NUBPL: variants seen among roughly 807,000 people sequenced by gnomAD.
NUBPL encodes iron-sulfur cluster transfer protein NUBPL.
In NUBPL, 31 loss-of-function variants were observed where a neutral mutation model predicts 45.7. That is an observed-to-expected ratio of 0.68 (90% confidence interval 0.51 to 0.92). The LOEUF (loss-of-function observed/expected upper bound fraction) is 0.92, where lower values mean the gene tolerates loss of function less well. NUBPL is among the 40% of genes least tolerant of loss of function. NUBPL has a pLI of 0.00. For synonymous variants in NUBPL, 144 were observed against 140.9 expected, an observed-to-expected ratio of 1.02 and a Z score of -0.15; for missense variants, 401 against 398.7, an observed-to-expected ratio of 1.01 and a Z score of -0.05.
chr14:31,671,174 T>C (rs2036561356), intron 4 of NUBPL, among the ~76,000 whole-genome samples: 1 of 152,146 alleles, frequency 6.6e-6, no homozygotes, highest in African/African-American at 2.4e-5. Flanking sequence ...ATTCTCATTG[T>C]AGAGATTTTT....
At chr14:31,716,590 A>G (rs1013577415) in intron 6 of NUBPL, among the ~76,000 whole-genome samples, 2 of 152,300 alleles carry the variant, frequency 1.3e-5, no homozygotes, top group Non-Finnish European at 2.9e-5. Flanking sequence ...CTCTGCACAT[A>G]ACTGTAATTA....
At chr14:31,716,318 CT>C (rs1172911846) in intron 6 of NUBPL, among the ~76,000 whole-genome samples, 1 of 152,108 alleles carries the variant, frequency 6.6e-6, no homozygotes, top group Non-Finnish European at 1.5e-5. Flanking sequence ...TGACATGGTC[CT>C]TTATTATCAT....
chr14:31,610,608 CAAAAAAAAA>C (rs775656176), intron 4 of NUBPL, among the ~76,000 whole-genome samples: 2 of 94,708 alleles, frequency 2.1e-5, no homozygotes, highest in African/African-American at 8.8e-5. Context: ...AAAGATACAT[CAAAAAAAAA>C]AAAAAAAAAA....
chr14:31,642,328 A>C (rs2035727386), intron 4 of NUBPL, among the ~76,000 whole-genome samples: 1 of 152,154 alleles, frequency 6.6e-6, no homozygotes, highest in Admixed American at 6.5e-5. Flanking sequence ...CTTGCACTTA[A>C]ATATTTAATC....
At chr14:31,767,078 A>G (rs914883533) in intron 6 of NUBPL, among the ~76,000 whole-genome samples, 1 of 152,174 alleles carries the variant, frequency 6.6e-6, no homozygotes, top group Admixed American at 6.5e-5. Context: ...TCAAAGCCCC[A>G]TATATATATC....
At chr14:31,733,913 C>T (rs1483574033) in intron 6 of NUBPL, among the ~76,000 whole-genome samples, 4 of 152,104 alleles carry the variant, frequency 2.6e-5, no homozygotes, top group East Asian at 1.9e-4. Flanking sequence ...GTTATTTCAT[C>T]GACATCATCC....
At chr14:31,751,302 C>G (rs1167701298) in intron 6 of NUBPL, among the ~76,000 whole-genome samples, 1 of 152,212 alleles carries the variant, frequency 6.6e-6, no homozygotes, top group Admixed American at 6.5e-5. Context: ...AGTCCAAAGT[C>G]TCATCTGAGA....
At chr14:31,854,464 C>T (rs1280893935) in intron 10 of NUBPL, among the ~76,000 whole-genome samples, 1 of 152,090 alleles carries the variant, frequency 6.6e-6, no homozygotes, top group African/African-American at 2.4e-5. Flanking sequence ...GAACAGTGCC[C>T]AAAGGACATG....
chr14:31,647,315 C>A (rs2035882364), intron 4 of NUBPL, among the ~76,000 whole-genome samples: 1 of 152,148 alleles, frequency 6.6e-6, no homozygotes, highest in Non-Finnish European at 1.5e-5. Flanking sequence ...TTCCAGTCTT[C>A]CGTCTCTGGC....
At chr14:31,837,306 G>A (rs567020415) in intron 8 of NUBPL, among the ~76,000 whole-genome samples, 1 of 152,254 alleles carries the variant, frequency 6.6e-6, no homozygotes, top group East Asian at 1.9e-4. Flanking sequence ...ATTCCAGCCT[G>A]AGCAGCAGAG....
chr14:31,656,433 C>T (rs1485036391), intron 4 of NUBPL, among the ~76,000 whole-genome samples: 2 of 152,182 alleles, frequency 1.3e-5, no homozygotes, highest in African/African-American at 4.8e-5. Flanking sequence ...ACACAATTTC[C>T]TTACCAAGCA....
intron 6 of NUBPL, among the ~76,000 whole-genome samples, chr14:31,750,324 C>T (rs1259541852): frequency 1.9e-4 from 28 of 149,720 alleles, no homozygotes; most frequent in Middle Eastern, 3.4e-3. Flanking sequence ...TACAGGCGCC[C>T]ACCACCACGC....
rs979259488 is a variant in NUBPL at position 31,667,241 on chromosome 14, T to G, written c.383-6114T>G. Among the ~76,000 whole-genome samples, 9 of 152,198 alleles carry G rather than the reference T, an allele frequency of 5.9e-5. No individual in the cohort carries two copies. The East Asian group carries it at 1.7e-3, about 30-fold the overall frequency. On this transcript the variant is annotated intron_variant, in intron 4 of 10. Coordinates refer to ENST00000281081, the MANE Select transcript of NUBPL (RefSeq NM_025152.3). ...AGTCCCATATTTCTTGGAGGCTTTG[T>G]CCTTTCCTTATCATTCTTTTTTCTG...
intron 6 of NUBPL, among the ~76,000 whole-genome samples, chr14:31,681,561 T>G (rs1171704547): frequency 6.6e-6 from 1 of 151,958 alleles, no homozygotes; most frequent in African/African-American, 2.4e-5. Flanking sequence ...TCTGCTTTTA[T>G]CATTATTATT....
At chr14:31,729,283 C>T (rs974231739) in intron 6 of NUBPL, among the ~76,000 whole-genome samples, 4 of 144,554 alleles carry the variant, frequency 2.8e-5, no homozygotes, top group African/African-American at 7.7e-5. Flanking sequence ...CATCCCCCCC[C>T]CCCCCAAAAA....
intron 4 of NUBPL, among the ~76,000 whole-genome samples, chr14:31,637,082 A>T (rs979899993): frequency 6.6e-6 from 1 of 151,908 alleles, no homozygotes; most frequent in Non-Finnish European, 1.5e-5. Flanking sequence ...TTGTGTCTCT[A>T]TTTCCTTCAG....
intron 4 of NUBPL, among the ~76,000 whole-genome samples, chr14:31,661,106 T>C (rs2036257797): frequency 1.3e-5 from 2 of 152,202 alleles, no homozygotes; most frequent in African/African-American, 4.8e-5. Flanking sequence ...TACAAAAGAT[T>C]AATTAAATTC....
chr14:31,644,889 A>AT (rs2035801658), intron 4 of NUBPL, among the ~76,000 whole-genome samples: 2 of 151,878 alleles, frequency 1.3e-5, no homozygotes, highest in Admixed American at 1.3e-4. Flanking sequence ...CCCCTTTATT[A>AT]TTATTGAATG....
intron 6 of NUBPL, among the ~76,000 whole-genome samples, chr14:31,682,424 C>G (rs1179577934): frequency 6.6e-6 from 1 of 151,988 alleles, no homozygotes; most frequent in African/African-American, 2.4e-5. Flanking sequence ...AAGTGAGTCT[C>G]TTGATTTCAA....
Sources: gnomAD v4.1 joint callset for allele counts (sites outside exome capture counted in the v4.1 genomes callset) on GRCh38, gnomAD v4.1.1 for gene constraint, MANE v1.5 for transcripts, NCBI Gene and HGNC (gene_info 2026-07-23, HGNC 2026-07-21) for gene names.